NR3C1: variants seen among roughly 807,000 people sequenced by gnomAD.
The protein encoded by NR3C1 is glucocorticoid receptor.
Under a neutral mutation model 74.0 loss-of-function variants are expected in NR3C1, and 14 were observed. The observed-to-expected ratio is 0.19, with a 90% CI of 0.12 to 0.30. The LOEUF is 0.30. NR3C1 is among the 10% of genes least tolerant of loss of function. The pLI is 1.00. For missense variants in NR3C1, 695 were observed against 909.8 expected, an observed-to-expected ratio of 0.76 and a Z score of 3.04; for synonymous variants, 308 against 332.5, an observed-to-expected ratio of 0.93 and a Z score of 0.80.
chr5:143,420,939 C>CT (rs996763113), intron 1 of NR3C1, among the ~76,000 whole-genome samples: 1 of 152,086 alleles, frequency 6.6e-6, no homozygotes, highest in Non-Finnish European at 1.5e-5. Flanking sequence ...ATCATTCCAA[C>CT]TTTTTTTGCT....
chr5:143,351,392 TA>T lies in NR3C1; in HGVS notation c.1185-37225del, dbSNP rs544110322. Among the ~76,000 whole-genome samples the T allele has an allele frequency of 4.4e-3, 671 of 152,128 alleles. 2 individuals carry two copies. Among genetic ancestry groups the T allele is most frequent in the African/African-American group, 0.015 (639 of 41,522 alleles). On this transcript the variant is annotated intron_variant, in intron 2 of 8. Transcript: ENST00000394464. Reference sequence around the variant, plus strand: ...CCCACATTCCAAACACCTATCTTTATAAAAAAATGCTGACTTTAAAAAAATT... The same window carrying T: ...CCCACATTCCAAACACCTATCTTTATAAAAAATGCTGACTTTAAAAAAATT...
At chr5:143,374,690 C>CA (rs942172087) in intron 2 of NR3C1, among the ~76,000 whole-genome samples, 14 of 151,362 alleles carry the variant, frequency 9.2e-5, no homozygotes, top group South Asian at 2.1e-4. Flanking sequence ...CACAGTGAGT[C>CA]AAAAAAAACA....
intron 7 of NR3C1, among the ~76,000 whole-genome samples, chr5:143,291,512 C>T (rs1341791138): frequency 1.2e-5 from 1 of 81,746 alleles, no homozygotes; most frequent in East Asian, 2.7e-4. Flanking sequence ...GTGTGAGCCA[C>T]CACGCCTGGC....
chr5:143,415,362 G>C (rs1407778336), intron 1 of NR3C1, among the ~76,000 whole-genome samples: 1 of 152,056 alleles, frequency 6.6e-6, no homozygotes, highest in African/African-American at 2.4e-5. Flanking sequence ...GGGGGAAGGG[G>C]AGGATGGGGA....
intron 2 of NR3C1, among the ~76,000 whole-genome samples, chr5:143,335,333 G>A (rs551458785): frequency 6.5e-4 from 99 of 152,258 alleles, no homozygotes; most frequent in Non-Finnish European, 1.3e-3. Flanking sequence ...CATCTAATCC[G>A]TAGTCTACTC....
chr5:143,320,809 C>T (rs1823197101), intron 2 of NR3C1, among the ~76,000 whole-genome samples: 1 of 152,136 alleles, frequency 6.6e-6, no homozygotes, highest in South Asian at 2.1e-4. Context: ...CAGCTGTATC[C>T]TTCTTTGCTC....
At chr5:143,431,240 G>T (rs780586263) in intron 1 of NR3C1, among the ~76,000 whole-genome samples, 18 of 152,128 alleles carry the variant, frequency 1.2e-4, no homozygotes, top group Non-Finnish European at 2.4e-4. Context: ...TTTTTCAATA[G>T]GGCTTAGGAA....
chr5:143,376,811 C>A (rs560839076), intron 2 of NR3C1, among the ~76,000 whole-genome samples: 7 of 152,250 alleles, frequency 4.6e-5, no homozygotes, highest in African/African-American at 1.4e-4. Flanking sequence ...AGCTGTGTAC[C>A]ACTAGTTTTT....
chr5:143,405,189 A>T (rs1841028827), upstream of NR3C1: 1 of 985,578 alleles, frequency 1.0e-6, no homozygotes, highest in Non-Finnish European at 1.2e-6. Flanking sequence ...ACTCTGGGAA[A>T]GGTTGTGCTG....
chr5:143,359,544 ACAG>A (rs1405606919), intron 2 of NR3C1, among the ~76,000 whole-genome samples: 2 of 152,204 alleles, frequency 1.3e-5, no homozygotes, highest in East Asian at 3.8e-4. Flanking sequence ...TAAATGATAA[ACAG>A]CCATATGGTA....
chr5:143,373,813 G>A (rs1049376016), intron 2 of NR3C1, among the ~76,000 whole-genome samples: 6 of 152,104 alleles, frequency 3.9e-5, no homozygotes, highest in African/African-American at 9.7e-5. Flanking sequence ...GGCATCCAGC[G>A]AGCACCAAAG....
At chr5:143,378,674 G>T (rs571063894) in intron 2 of NR3C1, among the ~76,000 whole-genome samples, 1 of 152,154 alleles carries the variant, frequency 6.6e-6, no homozygotes, top group East Asian at 1.9e-4. Flanking sequence ...TACTGTGTGT[G>T]TGTTTCATCT....
At chr5:143,379,188 T>C (rs1835750335) in intron 2 of NR3C1, among the ~76,000 whole-genome samples, 1 of 152,212 alleles carries the variant, frequency 6.6e-6, no homozygotes, top group African/African-American at 2.4e-5. Flanking sequence ...ACACTGAGTC[T>C]TACACCTTGA....
intron 1 of NR3C1, among the ~76,000 whole-genome samples, chr5:143,423,809 C>CATGG: frequency 6.6e-6 from 1 of 151,984 alleles, no homozygotes; most frequent in African/African-American, 2.4e-5. Flanking sequence ...CTTTCATCAA[C>CATGG]ATGGATGGAA....
chr5:143,316,041 T>A (rs917426027), intron 2 of NR3C1, among the ~76,000 whole-genome samples: 8 of 152,250 alleles, frequency 5.3e-5, no homozygotes, highest in Non-Finnish European at 1.2e-4. Context: ...ATTCATTCCC[T>A]GCTAGATTTG....
intron 4 of NR3C1, among the ~76,000 whole-genome samples, chr5:143,309,230 G>A (rs1420715091): frequency 6.6e-6 from 1 of 151,868 alleles, no homozygotes; most frequent in Non-Finnish European, 1.5e-5. Context: ...ACACCACCAC[G>A]CTCCGCTAAT....
At chr5:143,289,576 A>G (rs1815369091) in intron 7 of NR3C1, among the ~76,000 whole-genome samples, 1 of 152,214 alleles carries the variant, frequency 6.6e-6, no homozygotes, top group African/African-American at 2.4e-5. Context: ...GCTCATCTCT[A>G]CATTTTTTTA....
At chr5:143,424,066 G>T (rs1356910525) in intron 1 of NR3C1, among the ~76,000 whole-genome samples, 1 of 136,978 alleles carries the variant, frequency 7.3e-6, no homozygotes, top group Non-Finnish European at 1.5e-5. Flanking sequence ...CTGTTGTGGG[G>T]TGTGGGGAGG....
At chr5:143,385,848 C>T (rs184706818) in intron 2 of NR3C1, among the ~76,000 whole-genome samples, 120 of 152,290 alleles carry the variant, frequency 7.9e-4, no homozygotes, top group Admixed American at 2.7e-3. Context: ...CAACCTCTGC[C>T]CATTATCCAG....
Sources: allele counts gnomAD v4.1 joint callset (sites outside exome capture counted in the v4.1 genomes callset), GRCh38; gene constraint gnomAD v4.1.1; transcripts MANE v1.5; gene names NCBI Gene and HGNC (gene_info 2026-07-23, HGNC 2026-07-21).